The following C8orf34 variants were observed in gnomAD, a reference collection of about 807,000 sequenced individuals.
C8orf34 encodes the protein uncharacterized protein C8orf34.
A neutral mutation model predicts 68.3 loss-of-function variants in C8orf34; 65 were observed. That is an observed-to-expected ratio of 0.95 (90% CI 0.78 to 1.17). The LOEUF (loss-of-function observed/expected upper bound fraction) is 1.17. C8orf34 is among the 50% of genes most tolerant of loss of function. C8orf34 has a pLI of 0.00. For missense variants in C8orf34, 664 were observed against 655.4 expected, an observed-to-expected ratio of 1.01 and a Z score of -0.14; for synonymous variants, 244 against 241.2, an observed-to-expected ratio of 1.01 and a Z score of -0.11.
chr8:68,386,738 A>G (rs748775874), intron 1 of C8orf34, among the ~76,000 whole-genome samples: 4 of 152,124 alleles, frequency 2.6e-5, no homozygotes, highest in East Asian at 1.9e-4. Context: ...CGCTGTGTAC[A>G]GCATTAGAGC....
At chr8:68,468,603 T>A in intron 3 of C8orf34, 89 bp from the exon 4 acceptor site, 2 of 1,320,986 alleles carry the variant, frequency 1.5e-6, no homozygotes, top group Non-Finnish European at 2.1e-6. Flanking sequence ...TATACATTGA[T>A]CTTGGTACAG....
At chr8:68,633,431 A>G (rs1206933557) in intron 7 of C8orf34, among the ~76,000 whole-genome samples, 4 of 152,288 alleles carry the variant, frequency 2.6e-5, no homozygotes, top group South Asian at 2.1e-4. Context: ...TTTGTTATCT[A>G]TCTTCTTAAC....
At chr8:68,517,677 A>G (rs1311330244) in intron 5 of C8orf34, among the ~76,000 whole-genome samples, 1 of 152,166 alleles carries the variant, frequency 6.6e-6, no homozygotes, top group Non-Finnish European at 1.5e-5. Flanking sequence ...CTGATTCTCT[A>G]CTGCTCTCCA....
At chr8:68,540,308 T>C (rs776362628) in intron 7 of C8orf34, among the ~76,000 whole-genome samples, 12 of 150,910 alleles carry the variant, frequency 8.0e-5, no homozygotes, top group Non-Finnish European at 1.0e-4. Context: ...ATAAATGATG[T>C]ATTTCTTATA....
intron 1 of C8orf34, among the ~76,000 whole-genome samples, chr8:68,387,620 A>G (rs1483966443): frequency 6.6e-6 from 1 of 152,172 alleles, no homozygotes; most frequent in Non-Finnish European, 1.5e-5. Context: ...ACAGAAATGG[A>G]TGGAGATTTA....
At chr8:68,672,234 T>A (rs1462334564) in intron 8 of C8orf34, among the ~76,000 whole-genome samples, 1 of 152,114 alleles carries the variant, frequency 6.6e-6, no homozygotes, top group East Asian at 1.9e-4. Flanking sequence ...CCTCCACTGA[T>A]CATCCTCCTC....
At chr8:68,519,626 T>C (rs1586306099) in intron 5 of C8orf34, among the ~76,000 whole-genome samples, 1 of 152,208 alleles carries the variant, frequency 6.6e-6, no homozygotes, top group African/African-American at 2.4e-5. Flanking sequence ...GTAAAGATTG[T>C]TGTTTATGAT....
intron 10 of C8orf34, among the ~76,000 whole-genome samples, chr8:68,749,229 G>C (rs1435943248): frequency 6.6e-6 from 1 of 151,646 alleles, no homozygotes; most frequent in Non-Finnish European, 1.5e-5. Context: ...ACACTCTGGG[G>C]ACTGTTGTGG....
chr8:68,680,488 CT>C (rs957402703), intron 8 of C8orf34, among the ~76,000 whole-genome samples: 1 of 152,146 alleles, frequency 6.6e-6, no homozygotes, highest in Non-Finnish European at 1.5e-5. Flanking sequence ...TGATGCCCCC[CT>C]GAGCCTCAAA....
intron 11 of C8orf34, among the ~76,000 whole-genome samples, chr8:68,784,592 C>T (rs1244210298): frequency 6.6e-6 from 1 of 152,192 alleles, no homozygotes; most frequent in Non-Finnish European, 1.5e-5. Flanking sequence ...CCTGTATATA[C>T]ATTTGTCTAT....
At chr8:68,525,384 T>C in intron 6 of C8orf34, 1 of 333,494 alleles carries the variant, frequency 3.0e-6, no homozygotes, top group Non-Finnish European at 5.4e-6. Flanking sequence ...GCTTGAAATA[T>C]CTAAAACACA....
At chr8:68,602,862 G>A (rs1313368828) in intron 7 of C8orf34, among the ~76,000 whole-genome samples, 1 of 152,046 alleles carries the variant, frequency 6.6e-6, no homozygotes, top group Non-Finnish European at 1.5e-5. Flanking sequence ...AGGTAGGGCA[G>A]GTATTGCCCC....
intron 10 of C8orf34, among the ~76,000 whole-genome samples, chr8:68,723,687 A>G (rs1026144543): frequency 5.9e-5 from 9 of 152,142 alleles, no homozygotes; most frequent in Non-Finnish European, 1.0e-4. Context: ...CACAAAGTCC[A>G]TATTTGTCCC....
chr8:68,491,789 A>G (rs563522574), intron 5 of C8orf34, among the ~76,000 whole-genome samples: 2 of 152,372 alleles, frequency 1.3e-5, no homozygotes, highest in South Asian at 2.1e-4. Context: ...GTATTAGGAC[A>G]TGAACATCTC....
chr8:68,339,597 A>G (rs879308771), intron 1 of C8orf34, among the ~76,000 whole-genome samples: 2 of 152,026 alleles, frequency 1.3e-5, no homozygotes, highest in African/African-American at 2.4e-5. Flanking sequence ...ACCTGACTTC[A>G]ACAGTCATTA....
At chr8:68,669,939 T>C (rs1409384158) in intron 8 of C8orf34, among the ~76,000 whole-genome samples, 1 of 152,178 alleles carries the variant, frequency 6.6e-6, no homozygotes, top group Non-Finnish European at 1.5e-5. Flanking sequence ...GACAGTAACA[T>C]GAATGGCTGA....
At chr8:68,721,135 C>A (rs1821660592) in intron 9 of C8orf34, among the ~76,000 whole-genome samples, 1 of 151,924 alleles carries the variant, frequency 6.6e-6, no homozygotes, top group South Asian at 2.1e-4. Flanking sequence ...GTGGCTCTTG[C>A]CCATTCCTGA....
chr8:68,501,966 A>G (rs574895941), intron 5 of C8orf34, among the ~76,000 whole-genome samples: 1 of 152,346 alleles, frequency 6.6e-6, no homozygotes, highest in Admixed American at 6.5e-5. Context: ...TTCAAAAAAA[A>G]AGATATTTCT....
At chr8:68,461,393 C>G (rs181396365) in intron 3 of C8orf34, among the ~76,000 whole-genome samples, 1 of 152,132 alleles carries the variant, frequency 6.6e-6, no homozygotes, top group Non-Finnish European at 1.5e-5. Context: ...GAGAACTTCC[C>G]CAATCTAGCA....
Sources: gnomAD v4.1 joint callset for allele counts (sites outside exome capture counted in the v4.1 genomes callset) on GRCh38, gnomAD v4.1.1 for gene constraint, MANE v1.5 for transcripts, NCBI Gene and HGNC (gene_info 2026-07-23, HGNC 2026-07-21) for gene names.